OVOL2: variants seen among roughly 807,000 people sequenced by gnomAD.
OVOL2 encodes the protein transcription factor Ovo-like 2.
A neutral mutation model predicts 18.1 loss-of-function variants in OVOL2; 13 were observed. The ratio of observed to expected loss-of-function variants is 0.72; its 90% CI spans 0.47 to 1.14. The LOEUF (loss-of-function observed/expected upper bound fraction) is 1.14, where lower values mean the gene tolerates loss of function less well. Among genes scored for constraint, OVOL2 ranks in the 50% most tolerant of loss-of-function variants. The pLI is 0.00. For synonymous variants in OVOL2, 166 were observed against 162.7 expected, an observed-to-expected ratio of 1.02 and a Z score of -0.16; for missense variants, 335 against 383.0, an observed-to-expected ratio of 0.87 and a Z score of 1.05.
chr20:18,034,972 CCCTGGGTCCTGGGT>C (rs560316564), intron 3 of OVOL2, among the ~76,000 whole-genome samples: 2 of 152,136 alleles, frequency 1.3e-5, no homozygotes, highest in Admixed American at 6.6e-5. Context: ...GGGTCCTCGG[CCCTGGGTCCTGGGT>C]CCTGGGTCCA....
intron 3 of OVOL2, among the ~76,000 whole-genome samples, chr20:18,040,942 G>C (rs1404993297): frequency 6.6e-6 from 1 of 152,160 alleles, no homozygotes; most frequent in Non-Finnish European, 1.5e-5. Flanking sequence ...GCTGTGGCAG[G>C]CCCCGCGTGT....
chr20:18,033,051 A>G (rs933908153), intron 3 of OVOL2, among the ~76,000 whole-genome samples: 5 of 152,236 alleles, frequency 3.3e-5, no homozygotes, highest in African/African-American at 1.2e-4. Context: ...CATTCAGGCC[A>G]CTAGGGGTGG....
chr20:18,057,417 C>T lies in OVOL2; in HGVS notation c.100+118G>A, dbSNP rs1365523457. ...CCCGCCTAGAAGACCCCCGCGTGCC[C>T]CCCGGAAGAGGGGGATGAGGTGGGG... On this transcript the variant is annotated intron_variant, in intron 1 of 3. Transcript: ENST00000278780. The surrounding 1 kb of genome is among the most constrained non-coding windows in gnomAD (Gnocchi z 6.3). The T allele has an allele frequency of 1.6e-6, 2 of 1,217,756 alleles. No homozygotes were observed. Among genetic ancestry groups the T allele is most frequent in the East Asian group, 5.3e-5 (2 of 37,838 alleles). 75.4% of individuals were successfully genotyped at this position (1,217,756 alleles called of 1,614,324 possible).
chr20:18,048,076 C>G (rs2036740309), intron 2 of OVOL2, among the ~76,000 whole-genome samples: 1 of 151,046 alleles, frequency 6.6e-6, no homozygotes, highest in South Asian at 2.1e-4. Flanking sequence ...CACCTGAGGT[C>G]AGGAGTTCGA....
At chr20:18,044,914 A>G (rs1327972470) in intron 2 of OVOL2, among the ~76,000 whole-genome samples, 1 of 152,110 alleles carries the variant, frequency 6.6e-6, no homozygotes, top group Non-Finnish European at 1.5e-5. Flanking sequence ...TAATGAAGAG[A>G]GCAGTGGTAG....
Position 18,024,821 on chromosome 20 carries a change from C to T in OVOL2, c.643G>A (p.Val215Ile), listed in dbSNP as rs745857836. 1.2e-5 allele frequency: 19 copies of T among 1,614,042 alleles called. 1 individual carries two copies. Among genetic ancestry groups the T allele is most frequent in the African/African-American group, 1.3e-5 (1 of 74,916 alleles). The change falls in exon 4 of 4, where the codon GTC becomes ATC. Residue 215 changes from valine to isoleucine, a missense_variant. Coordinates refer to ENST00000278780, the MANE Select transcript of OVOL2 (RefSeq NM_021220.4). Reference sequence around the variant, plus strand: ...CCCGTGTAGCCGCAATCCTCGCAGACGTAGAGCTTGTCCCGCCGCTGCTTA... The same window carrying T: ...CCCGTGTAGCCGCAATCCTCGCAGATGTAGAGCTTGTCCCGCCGCTGCTTA... ...AYKQRRDKLYVCEDCGYTGPT... is the reference protein window; with the variant it reads ...AYKQRRDKLYICEDCGYTGPT...
chr20:18,051,146 T>G (rs1039185730), intron 2 of OVOL2, among the ~76,000 whole-genome samples: 22 of 151,902 alleles, frequency 1.4e-4, no homozygotes, highest in African/African-American at 4.8e-4. Context: ...GAGGCTGAGA[T>G]AGGAGGATCG....
rs1411558082 is a variant in OVOL2, at chr20:18,056,927, C to T, written c.101-50G>A. 3 of 1,436,524 alleles carry T rather than the reference C, an allele frequency of 2.1e-6. No individual in the cohort carries two copies. The highest frequency in any genetic ancestry group is 2.7e-6 in the Non-Finnish European group (3 of 1,103,894). 89.0% of individuals were successfully genotyped at this position (1,436,524 alleles called of 1,614,324 possible). On this transcript the variant is annotated intron_variant, in intron 1 of 3. Coordinates refer to ENST00000278780, the MANE Select transcript of OVOL2 (RefSeq NM_021220.4). This position sits in a 1 kb window ranked among gnomAD's most constrained non-coding sequence, Gnocchi z 4.2. ...GACACACACACTCGGCGTCAACCCGCACGCCCGCGGCAGTTTGACCTGCGG... is the reference window on the plus strand; with the variant it reads ...GACACACACACTCGGCGTCAACCCGTACGCCCGCGGCAGTTTGACCTGCGG...
rs1421054776 is a variant in OVOL2 at position 18,056,978 on chromosome 20, G to A, written c.101-101C>T. 3.0e-6 allele frequency: 4 copies of A among 1,324,772 alleles called. No individual in the cohort carries two copies. Among genetic ancestry groups the A allele is most frequent in the Non-Finnish European group, 2.9e-6 (3 of 1,029,494 alleles). 82.1% of individuals were successfully genotyped at this position (1,324,772 alleles called of 1,614,324 possible). On this transcript the variant is annotated intron_variant, in intron 1 of 3. Transcript: ENST00000278780. This position sits in a 1 kb window ranked among gnomAD's most constrained non-coding sequence, Gnocchi z 4.2. ...GCGGTGCTGCCGCCGCCCCGCCCCG[G>A]ACCTGGGCACCTCGCCAAGTGGGCA...
At position 18,056,680 on chromosome 20, in the gene OVOL2, G is replaced by A; in HGVS notation, c.298C>T (p.Pro100Ser). Residue 100 changes from proline (P) to serine (S), a missense_variant, in exon 2 of 4, where the codon CCG becomes TCG. Coordinates refer to ENST00000278780, the MANE Select transcript of OVOL2 (RefSeq NM_021220.4). This position sits in a 1 kb window ranked among gnomAD's most constrained non-coding sequence, Gnocchi z 4.2. ...PDGHLATKQRPVARSKIKFTT... is the reference protein window; with the variant it reads ...PDGHLATKQRSVARSKIKFTT... ...ACCTTGATTTTCGATCTGGCGACCG[G>A]GCGCTGCTTGGTCGCCAGGTGTCCA... 1 of 1,434,518 alleles carries A rather than the reference G, an allele frequency of 7.0e-7. No individual in the cohort carries two copies. The highest frequency in any genetic ancestry group is 9.1e-7 in the Non-Finnish European group (1 of 1,098,130). 88.9% of individuals were successfully genotyped at this position (1,434,518 alleles called of 1,614,324 possible). A position where few individuals can be genotyped will look rare whatever the true frequency, so the allele number is the denominator to read the frequency against.
intron 3 of OVOL2, among the ~76,000 whole-genome samples, chr20:18,029,469 T>C (rs1186491703): frequency 1.3e-5 from 2 of 152,334 alleles, no homozygotes; most frequent in South Asian, 2.1e-4. Flanking sequence ...CACATTCACA[T>C]TGGCATATGC....
intron 2 of OVOL2, among the ~76,000 whole-genome samples, chr20:18,055,133 T>C (rs1424190238): frequency 6.6e-6 from 1 of 152,104 alleles, no homozygotes; most frequent in African/African-American, 2.4e-5. Context: ...GAAATAAGAT[T>C]GGTTTACGTC....
At chr20:18,026,856 T>C (rs2036524003) in intron 3 of OVOL2, among the ~76,000 whole-genome samples, 2 of 151,846 alleles carry the variant, frequency 1.3e-5, no homozygotes, top group Non-Finnish European at 2.9e-5. Context: ...CTGGCGAAGG[T>C]CACCCCTTGA....
At position 18,041,739 on chromosome 20, in the gene OVOL2, G is replaced by A; in HGVS notation, c.322-16C>T. 1 of 1,600,098 alleles carries A rather than the reference G, an allele frequency of 6.2e-7. No individual in the cohort carries two copies. Among genetic ancestry groups the A allele is most frequent in the Non-Finnish European group, 8.6e-7 (1 of 1,169,558 alleles). ...CTGTGGTGAACTGGGGGCAGAGAGA[G>A]GCCATGAGGGTCCCCGGGCAGGCAG... On this transcript the variant is annotated splice_polypyrimidine_tract_variant and intron_variant, in intron 2 of 3. Coordinates refer to ENST00000278780, the MANE Select transcript of OVOL2 (RefSeq NM_021220.4).
intron 3 of OVOL2, among the ~76,000 whole-genome samples, chr20:18,036,882 A>G (rs1226247378): frequency 6.6e-6 from 1 of 152,122 alleles, no homozygotes; most frequent in African/African-American, 2.4e-5. Flanking sequence ...CACGCCTGTA[A>G]TCCCAGCACT....
At chr20:18,036,048 C>A (rs1216563795) in intron 3 of OVOL2, among the ~76,000 whole-genome samples, 2 of 152,094 alleles carry the variant, frequency 1.3e-5, no homozygotes, top group East Asian at 3.8e-4. Context: ...AATCCCAGCA[C>A]TTTGGGAGGC....
chr20:18,036,863 G>C (rs1369583070), intron 3 of OVOL2, among the ~76,000 whole-genome samples: 1 of 152,100 alleles, frequency 6.6e-6, no homozygotes, highest in Non-Finnish European at 1.5e-5. Context: ...CAGGCCGGGC[G>C]CGGTGGCTCA....
rs2036827412 is a variant in OVOL2, at chr20:18,056,565, G to T, written c.321+92C>A. The T allele has an allele frequency of 5.7e-6, 7 of 1,223,054 alleles. 1 individual carries two copies. Among genetic ancestry groups the T allele is most frequent in the Non-Finnish European group, 7.1e-6 (7 of 980,120 alleles). 75.8% of individuals were successfully genotyped at this position (1,223,054 alleles called of 1,614,324 possible). On this transcript the variant is annotated intron_variant, in intron 2 of 3. Transcript: ENST00000278780. The surrounding 1 kb of genome is among the most constrained non-coding windows in gnomAD (Gnocchi z 4.2). The stretch of plus-strand genomic sequence containing the variant: ...GCTCGGGGCGCGGGTGCCGGGTTGC[G>T]CAGGCGGGCGCGGCAGGGAGGGGCG...
chr20:18,045,625 G>A (rs1259426567), intron 2 of OVOL2, among the ~76,000 whole-genome samples: 2 of 152,154 alleles, frequency 1.3e-5, no homozygotes, highest in Non-Finnish European at 2.9e-5. Context: ...GACATAGAAA[G>A]TGTGTTATTT....
Sources: gnomAD v4.1 joint callset for allele counts (sites outside exome capture counted in the v4.1 genomes callset) on GRCh38, gnomAD v4.1.1 for gene constraint, Gnocchi (gnomAD v3.1) non-coding constraint, MANE v1.5 for transcripts, NCBI Gene and HGNC (gene_info 2026-07-23, HGNC 2026-07-21) for gene names.